DCAF4: variants seen among roughly 807,000 people sequenced by gnomAD.
DCAF4 encodes the protein DDB1 and CUL4 associated factor 4, also known as DDB1- and CUL4-associated factor 4.
A neutral mutation model predicts 60.9 loss-of-function variants in DCAF4; 37 were observed. The ratio of observed to expected loss-of-function variants is 0.61; its 90% CI spans 0.47 to 0.80. The LOEUF (loss-of-function observed/expected upper bound fraction) is 0.80, where lower values mean the gene tolerates loss of function less well. Ranked by LOEUF, DCAF4 falls within the 30% of genes least tolerant of loss-of-function variation. The pLI is 0.00. For missense variants in DCAF4, 577 were observed against 650.0 expected (o/e 0.89, Z 1.22); for synonymous variants, 243 against 254.8 (o/e 0.95, Z 0.44).
intron 1 of DCAF4, among the ~76,000 whole-genome samples, chr14:72,927,829 G>C (rs1027933278): frequency 6.6e-6 from 1 of 152,178 alleles, no homozygotes; most frequent in African/African-American, 2.4e-5. Context: ...GCTTGCGCCT[G>C]AAGTATTTCT....
intron 8 of DCAF4, 149 bp from the exon 9 acceptor site, chr14:72,951,649 A>G (rs1891431379): frequency 1.5e-6 from 1 of 667,788 alleles, no homozygotes; most frequent in Non-Finnish European, 2.6e-6. Flanking sequence ...CTGAAGGTAA[A>G]TGTGGGCAGT....
intron 1 of DCAF4, among the ~76,000 whole-genome samples, chr14:72,928,098 C>G (rs1258383698): frequency 6.7e-6 from 1 of 148,940 alleles, no homozygotes; most frequent in Non-Finnish European, 1.5e-5. Flanking sequence ...ACCGCCCTGG[C>G]CTGTAGAAGC....
At chr14:72,956,143 G>A (rs958911260) in intron 12 of DCAF4, among the ~76,000 whole-genome samples, 5 of 151,858 alleles carry the variant, frequency 3.3e-5, no homozygotes, top group African/African-American at 7.3e-5. Context: ...GGCTGGTCTC[G>A]AACTCCTGAC....
chr14:72,949,682 G>A (rs538732439), intron 8 of DCAF4, among the ~76,000 whole-genome samples: 24 of 152,012 alleles, frequency 1.6e-4, no homozygotes, highest in African/African-American at 3.9e-4. Flanking sequence ...TTGAAAACCC[G>A]GGAGACAGAG....
intron 9 of DCAF4, among the ~76,000 whole-genome samples, chr14:72,953,132 C>T (rs1427915590): frequency 6.6e-6 from 1 of 150,636 alleles, no homozygotes; most frequent in African/African-American, 2.4e-5. Flanking sequence ...TCCCAAGTAG[C>T]CAGGATTACA....
chr14:72,933,079 C>T (rs1888778854), intron 1 of DCAF4, among the ~76,000 whole-genome samples: 1 of 152,158 alleles, frequency 6.6e-6, no homozygotes, highest in African/African-American at 2.4e-5. Flanking sequence ...AGCTGCCCTG[C>T]GCATTGTAGG....
intron 9 of DCAF4, among the ~76,000 whole-genome samples, chr14:72,952,780 C>T (rs1183431014): frequency 1.0e-4 from 15 of 149,506 alleles, no homozygotes; most frequent in Admixed American, 6.7e-4. Context: ...CCACAACCTC[C>T]GCCTCCCAGG....
Position 72,955,526 on chromosome 14 carries a change from C to T in DCAF4, c.1009C>T (p.Pro337Ser), listed in dbSNP as rs764115251. The change falls in exon 12 of 14, where the codon CCT (proline) becomes TCT (serine). Residue 337 changes from proline to serine, a missense_variant. Pro to Ser is a moderately conservative substitution (Grantham distance 74). Coordinates refer to ENST00000358377, the MANE Select transcript of DCAF4 (RefSeq NM_015604.4). ...TGAGCAGTCCCTCTTTCCACAGGCT[C>T]CTCTGCTGTTTAATGGCTGCCGCTC... ...VLAQQFALMA[P>S]LLFNGCRSGE... is the part of the protein sequence containing the mutation. 3.1e-6 allele frequency: 5 copies of T among 1,613,624 alleles called. No individual in the cohort carries two copies. Among genetic ancestry groups the T allele is most frequent in the Non-Finnish European group, 8.5e-7 (1 of 1,179,682 alleles).
chr14:72,940,042 G>T, intron 3 of DCAF4, 140 bp downstream of exon 3: 1 of 1,166,188 alleles, frequency 8.6e-7, no homozygotes, highest in Non-Finnish European at 1.2e-6. Flanking sequence ...GTGGTCATGA[G>T]GCAAACCGCC....
chr14:72,946,016 A>G lies in DCAF4; in HGVS notation c.667A>G (p.Thr223Ala). Reference sequence around the variant, plus strand: ...GTTCATGCACGAAAACCTCTACTTCACCAACCGGAAGGTACGTTGCCCATC... The same window carrying G: ...GTTCATGCACGAAAACCTCTACTTCGCCAACCGGAAGGTACGTTGCCCATC... ...KVFMHENLYF[T>A]NRKVNSVCWA... Residue 223 changes from threonine to alanine, a missense_variant, in exon 7 of 14, where the codon ACC (threonine) becomes GCC (alanine). Transcript: ENST00000358377. 6.2e-7 allele frequency: 1 copy of G among 1,613,930 alleles called. No homozygotes were observed. Among genetic ancestry groups the G allele is most frequent in the Non-Finnish European group, 8.5e-7 (1 of 1,180,006 alleles).
At chr14:72,940,121 CAG>C in intron 3 of DCAF4, 97 bp from the exon 4 acceptor site, 1 of 1,492,306 alleles carries the variant, frequency 6.7e-7, no homozygotes, top group Non-Finnish European at 9.3e-7. Context: ...TCAGAAAAGA[CAG>C]GCAGCCACGA....
intron 9 of DCAF4, among the ~76,000 whole-genome samples, chr14:72,952,605 C>T (rs1057502744): frequency 9.2e-5 from 14 of 151,654 alleles, no homozygotes; most frequent in African/African-American, 2.9e-4. Flanking sequence ...AGGTCAGGCT[C>T]ACAGTACCCT....
At chr14:72,927,012 C>T (rs886164705) in intron 1 of DCAF4, 1 of 152,384 alleles carries the variant, frequency 6.6e-6, no homozygotes, top group Admixed American at 6.5e-5. Flanking sequence ...TAACATTTGC[C>T]AGCGCTATGA....
intron 11 of DCAF4, 50 bp downstream of exon 11, chr14:72,954,533 A>G (rs1325690057): frequency 3.8e-6 from 6 of 1,576,792 alleles, no homozygotes; most frequent in East Asian, 2.3e-5. Context: ...CCATGTAGAA[A>G]TTTGGCCAGA....
chr14:72,931,853 A>G (rs1888616844), intron 1 of DCAF4, among the ~76,000 whole-genome samples: 1 of 152,052 alleles, frequency 6.6e-6, no homozygotes, highest in South Asian at 2.1e-4. Flanking sequence ...AACCAACCTT[A>G]TATTTCTGAG....
At chr14:72,944,116 G>A (rs1489447903) in intron 6 of DCAF4, among the ~76,000 whole-genome samples, 1 of 152,148 alleles carries the variant, frequency 6.6e-6, no homozygotes, top group African/African-American at 2.4e-5. Flanking sequence ...GGGGTCTGGT[G>A]ATGCACAGGC....
At chr14:72,946,539 A>G (rs1890764239) in intron 7 of DCAF4, among the ~76,000 whole-genome samples, 1 of 152,162 alleles carries the variant, frequency 6.6e-6, no homozygotes, top group South Asian at 2.1e-4. Flanking sequence ...GGTCCTCAGG[A>G]CCGTCCCTCC....
intron 1 of DCAF4, among the ~76,000 whole-genome samples, chr14:72,935,615 A>G (rs1334053288): frequency 6.6e-6 from 1 of 152,178 alleles, no homozygotes; most frequent in Admixed American, 6.5e-5. Flanking sequence ...AGGCTCCCTT[A>G]CCAGATTGCA....
rs145062084 is a variant in DCAF4, at chr14:72,940,346, G to A, written c.320G>A (p.Arg107Gln). ...AAGGAGATGGAGAGCAAGAGACTGC[G>A]GCTGCTCCAGGAAGAAGACAGACGG... ...RQKEMESKRLRLLQEEDRRKK... is the reference protein window; with the variant it reads ...RQKEMESKRLQLLQEEDRRKK... Residue 107 changes from arginine to glutamine, a missense_variant, in exon 4 of 14, where the codon CGG (arginine) becomes CAG (glutamine). By Grantham distance (43) the Arg-to-Gln change is conservative. Coordinates refer to ENST00000358377, the MANE Select transcript of DCAF4 (RefSeq NM_015604.4). 3.7e-4 allele frequency: 592 copies of A among 1,613,142 alleles called. No homozygotes were observed. The highest frequency in any genetic ancestry group is 4.5e-4 in the Admixed American group (27 of 59,668).
Sources: gnomAD v4.1 joint callset for allele counts (sites outside exome capture counted in the v4.1 genomes callset) on GRCh38, gnomAD v4.1.1 for gene constraint, MANE v1.5 for transcripts, NCBI Gene and HGNC (gene_info 2026-07-23, HGNC 2026-07-21) for gene names.